DAB1: variants seen among roughly 807,000 people sequenced by gnomAD.
DAB1 encodes disabled homolog 1.
Under a neutral mutation model 64.6 loss-of-function variants are expected in DAB1, and 15 were observed. The ratio of observed to expected loss-of-function variants is 0.23; its 90% confidence interval spans 0.16 to 0.36. The LOEUF (loss-of-function observed/expected upper bound fraction) is 0.36. Among genes scored for constraint, DAB1 ranks in the 10% least tolerant of loss-of-function variants. The pLI is 1.00. For missense variants in DAB1, 596 were observed against 706.7 expected (o/e 0.84, Z 1.78); for synonymous variants, 235 against 251.9 (o/e 0.93, Z 0.64).
chr1:58,421,501 T>C lies in DAB1; in HGVS notation n.258-78098A>G, dbSNP rs563344798. Reference sequence around the variant, plus strand: ...TTTGTGTAGAAATATATATGTCACATCTTCTTTAGAGGAAAAGTGAAGGGG... The same window carrying C: ...TTTGTGTAGAAATATATATGTCACACCTTCTTTAGAGGAAAAGTGAAGGGG... On this transcript the variant is annotated intron_variant and non_coding_transcript_variant, in intron 3 of 20. Coordinates refer to the DAB1 transcript ENST00000485760. 9.2e-5 allele frequency among the ~76,000 whole-genome samples: 14 copies of C among 152,330 alleles called. 1 individual carries two copies. Among genetic ancestry groups the C allele is most frequent in the African/African-American group, 3.4e-4 (14 of 41,584 alleles).
intron 7 of DAB1, among the ~76,000 whole-genome samples, chr1:57,478,026 A>G (rs1344163514): frequency 6.6e-6 from 1 of 150,824 alleles, no homozygotes; most frequent in African/African-American, 2.4e-5. Flanking sequence ...TACATTAGGT[A>G]TCTCTCCTAA....
At chr1:58,335,863 G>T (rs183394979) in intron 4 of DAB1, among the ~76,000 whole-genome samples, 1 of 152,200 alleles carries the variant, frequency 6.6e-6, no homozygotes, top group Non-Finnish European at 1.5e-5. Flanking sequence ...TGAATTTATG[G>T]AGGGTGGGAG....
intron 7 of DAB1, among the ~76,000 whole-genome samples, chr1:57,479,248 T>TATAA (rs1643980558): frequency 6.6e-6 from 1 of 152,010 alleles, no homozygotes; most frequent in South Asian, 2.1e-4. Context: ...TAAGTGTTTT[T>TATAA]AAGCACTCAT....
chr1:58,368,329 C>A (rs1644234415), intron 3 of DAB1, among the ~76,000 whole-genome samples: 1 of 152,068 alleles, frequency 6.6e-6, no homozygotes, highest in Non-Finnish European at 1.5e-5. Flanking sequence ...TGCAGCGACC[C>A]CAGCCTGAGG....
intron 4 of DAB1, among the ~76,000 whole-genome samples, chr1:57,077,465 G>A (rs997157529): frequency 2.0e-5 from 3 of 152,190 alleles, no homozygotes; most frequent in Admixed American, 6.5e-5. Context: ...GAAAGACCAA[G>A]TCACCTTAAG....
At chr1:58,457,991 G>A (rs1459794165) in intron 3 of DAB1, among the ~76,000 whole-genome samples, 1 of 152,142 alleles carries the variant, frequency 6.6e-6, no homozygotes, top group Non-Finnish European at 1.5e-5. Context: ...TCAACAATTA[G>A]TTACAAGTAA....
chr1:57,491,070 T>C (rs1368294620), intron 7 of DAB1, among the ~76,000 whole-genome samples: 3 of 152,216 alleles, frequency 2.0e-5, no homozygotes, highest in Non-Finnish European at 2.9e-5. Flanking sequence ...CACATCTCTC[T>C]ATGAATTTGT....
At chr1:57,526,533 G>A (rs1644595606) in intron 7 of DAB1, among the ~76,000 whole-genome samples, 1 of 152,126 alleles carries the variant, frequency 6.6e-6, no homozygotes, top group Non-Finnish European at 1.5e-5. Context: ...CTAAGCATCA[G>A]GATTCTGCCA....
intron 2 of DAB1, among the ~76,000 whole-genome samples, chr1:58,510,617 T>C (rs992403094): frequency 6.6e-6 from 1 of 152,048 alleles, no homozygotes; most frequent in African/African-American, 2.4e-5. Context: ...CTGGGAGTCC[T>C]AGCCAGGGCA....
intron 3 of DAB1, among the ~76,000 whole-genome samples, chr1:58,370,211 T>A (rs539715836): frequency 1.3e-5 from 2 of 152,332 alleles, no homozygotes; most frequent in African/African-American, 4.8e-5. Context: ...AAGAATAGTG[T>A]ACTGAATGTG....
chr1:58,288,830 T>G (rs960456563), intron 4 of DAB1, among the ~76,000 whole-genome samples: 36 of 152,212 alleles, frequency 2.4e-4, no homozygotes, highest in African/African-American at 8.7e-4. Context: ...TTTGGCTTGC[T>G]TAGACTTTTA....
intron 5 of DAB1, among the ~76,000 whole-genome samples, chr1:58,138,059 A>G (rs1654047765): frequency 6.6e-6 from 1 of 152,214 alleles, no homozygotes; most frequent in Non-Finnish European, 1.5e-5. Flanking sequence ...TTAAAAATAT[A>G]ATGATGAATG....
At chr1:57,652,436 G>A (rs1328213154) in intron 6 of DAB1, among the ~76,000 whole-genome samples, 2 of 152,082 alleles carry the variant, frequency 1.3e-5, no homozygotes, top group Non-Finnish European at 2.9e-5. Context: ...AGGCTGATTT[G>A]AGTCAGAATA....
intron 7 of DAB1, among the ~76,000 whole-genome samples, chr1:57,480,890 C>G (rs1429429888): frequency 6.6e-6 from 1 of 152,090 alleles, no homozygotes; most frequent in African/African-American, 2.4e-5. Flanking sequence ...CTAAAGCCCG[C>G]CCTCTTCCCA....
rs974391293 is a variant in DAB1 at position 57,094,687 on chromosome 1, C to T, written c.307-22273G>A. On this transcript the variant is annotated intron_variant, in intron 4 of 14. Transcript: ENST00000371236. ...CATGTATCCTAAAATTATTTTGAAA[C>T]TGATATCAGAGAGTATCTCCTATGA... Among the ~76,000 whole-genome samples the T allele has an allele frequency of 7.9e-5, 12 of 152,136 alleles. No individual in the cohort carries two copies. The South Asian group carries it at 1.2e-3, about 16-fold the overall frequency.
intron 1 of DAB1, among the ~76,000 whole-genome samples, chr1:57,865,613 G>C (rs1265791023): frequency 6.6e-6 from 1 of 152,058 alleles, no homozygotes; most frequent in Non-Finnish European, 1.5e-5. Flanking sequence ...TTCCCCCAAG[G>C]CTGCACTTGT....
intron 7 of DAB1, among the ~76,000 whole-genome samples, chr1:57,587,895 A>C (rs1267424069): frequency 6.6e-6 from 1 of 152,190 alleles, no homozygotes; most frequent in Non-Finnish European, 1.5e-5. Context: ...AGCCACCATT[A>C]AGTCCCATTT....
At chr1:57,659,326 C>A (rs1311313781) in intron 6 of DAB1, among the ~76,000 whole-genome samples, 2 of 152,158 alleles carry the variant, frequency 1.3e-5, no homozygotes, top group African/African-American at 4.8e-5. Flanking sequence ...AATTAATAAA[C>A]CCTGCAAAAT....
intron 4 of DAB1, among the ~76,000 whole-genome samples, chr1:57,103,478 G>A (rs960701354): frequency 6.6e-6 from 1 of 152,248 alleles, no homozygotes; most frequent in East Asian, 1.9e-4. Flanking sequence ...TACTGTGGAC[G>A]TGACGTTTAA....
Sources: gnomAD v4.1 joint callset for allele counts (sites outside exome capture counted in the v4.1 genomes callset) on GRCh38, gnomAD v4.1.1 for gene constraint, MANE v1.5 for transcripts, NCBI Gene and HGNC (gene_info 2026-07-23, HGNC 2026-07-21) for gene names.